The following PDE1A variants were observed in gnomAD, a reference collection of about 807,000 sequenced individuals.
The protein encoded by PDE1A is phosphodiesterase 1A.
In PDE1A, 35 loss-of-function variants were observed where a neutral mutation model predicts 61.7. The ratio of observed to expected loss-of-function variants is 0.57; its 90% CI spans 0.43 to 0.75. The LOEUF is 0.75. Among genes scored for constraint, PDE1A ranks in the 30% least tolerant of loss-of-function variants. The pLI is 0.00. For missense variants in PDE1A, 597 were observed against 630.6 expected (o/e 0.95, Z 0.57); for synonymous variants, 232 against 213.2 (o/e 1.09, Z -0.77).
rs140535321 is a variant in PDE1A at position 182,375,452 on chromosome 2, T to A, written c.53+51126A>T. On this transcript the variant is annotated intron_variant, in intron 1 of 13. Coordinates refer to ENST00000351439, the Ensembl canonical transcript of PDE1A. The stretch of plus-strand genomic sequence containing the variant: ...GTCAAATTTTAAAGCTCCAAAATAA[T>A]CTCCTTTGACTCCAGGTCTTACATC... 3.9e-3 allele frequency among the ~76,000 whole-genome samples: 597 copies of A among 152,296 alleles called. 2 individuals carry two copies. The highest frequency in any genetic ancestry group is 6.8e-3 in the Middle Eastern group (2 of 294).
At chr2:182,481,219 G>A (rs1330451441) in intron 2 of PDE1A, among the ~76,000 whole-genome samples, 1 of 151,916 alleles carries the variant, frequency 6.6e-6, no homozygotes, top group Non-Finnish European at 1.5e-5. Flanking sequence ...AAGGAAGAGT[G>A]TAATAACATA....
chr2:182,654,940 C>A, the PDE1A span, among the ~76,000 whole-genome samples: 6 of 152,242 alleles, frequency 3.9e-5, no homozygotes, highest in South Asian at 1.2e-3. Flanking sequence ...TGGGTCAAGG[C>A]CTCCTGGTTA....
At chr2:182,576,166 C>A in the PDE1A span, among the ~76,000 whole-genome samples, 2 of 152,068 alleles carry the variant, frequency 1.3e-5, no homozygotes, top group South Asian at 4.2e-4. Flanking sequence ...GTCTACAGAA[C>A]TCTTTTCATC....
the PDE1A span, among the ~76,000 whole-genome samples, chr2:182,642,355 C>G: frequency 1.3e-4 from 20 of 152,290 alleles, no homozygotes; most frequent in South Asian, 3.9e-3. Flanking sequence ...TCTCTTTCCT[C>G]CTTGACTTTG....
At chr2:182,407,438 G>A (rs13020356) in intron 1 of PDE1A, among the ~76,000 whole-genome samples, 3,450 of 151,932 alleles carry the variant, frequency 0.023, 57 homozygotes, top group Middle Eastern at 0.051. Flanking sequence ...CTGGAGTACA[G>A]TGGTGCCATC....
At chr2:182,671,621 CTT>C in the PDE1A span, among the ~76,000 whole-genome samples, 12 of 124,268 alleles carry the variant, frequency 9.7e-5, no homozygotes, top group Non-Finnish European at 1.1e-4. Context: ...CTTTCTTTTT[CTT>C]TTTTTTTTTT....
At chr2:182,523,346 G>A (rs1018592720), upstream of PDE1A, among the ~76,000 whole-genome samples, 8 of 152,104 alleles carry the variant, frequency 5.3e-5, no homozygotes, top group East Asian at 1.9e-4. Flanking sequence ...GATGGTTTGC[G>A]GCTTGTGCAT....
At chr2:182,532,453 G>C in the PDE1A span, among the ~76,000 whole-genome samples, 2 of 152,060 alleles carry the variant, frequency 1.3e-5, no homozygotes, top group African/African-American at 4.8e-5. Flanking sequence ...GTATGATTCC[G>C]ATTATATGAA....
At position 182,311,064 on chromosome 2, in the gene PDE1A, G is replaced by A. The variant is rs184079549; in HGVS notation, c.54-46650C>T. Among the ~76,000 whole-genome samples the A allele has an allele frequency of 1.6e-4, 24 of 152,356 alleles. No homozygotes were observed. In the East Asian group the frequency reaches 2.7e-3, roughly 17 times the overall value. On this transcript the variant is annotated intron_variant, in intron 1 of 13. Coordinates refer to ENST00000351439, the Ensembl canonical transcript of PDE1A. ...GTTTGAGATCCTGCCTCATCCGTGG[G>A]AAGAATGCCTCCTGAATATTGAAGT... is the stretch of plus-strand genomic sequence containing the variant.
intron 1 of PDE1A, among the ~76,000 whole-genome samples, chr2:182,280,045 C>T (rs1238074853): frequency 6.6e-6 from 1 of 151,902 alleles, no homozygotes; most frequent in Non-Finnish European, 1.5e-5. Context: ...ATACTTGTAA[C>T]ATTAATAATC....
chr2:182,201,610 C>G, intron 9 of PDE1A, 51 bp from the exon 10 acceptor site: 1 of 1,477,114 alleles, frequency 6.8e-7, no homozygotes, highest in Non-Finnish European at 9.3e-7. Flanking sequence ...GAAACAATTA[C>G]AGTCTTTTCT....
intron 7 of PDE1A, among the ~76,000 whole-genome samples, chr2:182,214,004 A>G (rs1015955890): frequency 2.9e-5 from 4 of 139,244 alleles, no homozygotes; most frequent in African/African-American, 5.4e-5. Context: ...AAAAATGTTA[A>G]GGGCAGCCAG....
At chr2:182,234,711 T>C (rs922731) in intron 3 of PDE1A, among the ~76,000 whole-genome samples, 165 of 152,310 alleles carry the variant, frequency 1.1e-3, no homozygotes, top group African/African-American at 3.7e-3. Flanking sequence ...ACAATCACCC[T>C]GCAAAATTAA....
chr2:182,562,242 T>G, the PDE1A span, among the ~76,000 whole-genome samples: 4 of 152,110 alleles, frequency 2.6e-5, no homozygotes, highest in African/African-American at 4.8e-5. Context: ...AATACCTAAT[T>G]TATTGAGAGT....
At chr2:182,627,356 A>G in the PDE1A span, among the ~76,000 whole-genome samples, 1 of 118,836 alleles carries the variant, frequency 8.4e-6, no homozygotes, top group East Asian at 2.2e-4. Context: ...TATAAAATAT[A>G]ATATATATAT....
rs539762338 is a variant in PDE1A, at chr2:182,248,958, A to G, written c.168-8666T>C. ...ATTTCATCCAAATACCATTTAACTA[A>G]GTATTTTAAAGTTATATATCAGGTG... is the stretch of plus-strand genomic sequence containing the variant. On this transcript the variant is annotated intron_variant, in intron 2 of 13. Transcript: ENST00000351439. 3.9e-5 allele frequency among the ~76,000 whole-genome samples: 6 copies of G among 152,344 alleles called. No homozygotes were observed. In the South Asian group the frequency reaches 1.2e-3, roughly 32 times the overall value.
intron 10 of PDE1A, among the ~76,000 whole-genome samples, chr2:182,191,886 G>T (rs566955084): frequency 6.7e-5 from 10 of 148,472 alleles, no homozygotes; most frequent in Non-Finnish European, 1.3e-4. Flanking sequence ...AGACAGTTTC[G>T]CTCTTGTTGC....
chr2:182,547,974 G>A, the PDE1A span, among the ~76,000 whole-genome samples: 1 of 152,162 alleles, frequency 6.6e-6, no homozygotes. Context: ...AGAGAGATGT[G>A]TAGATATGGG....
chr2:182,319,330 G>A (rs1696555773), intron 1 of PDE1A, among the ~76,000 whole-genome samples: 1 of 151,992 alleles, frequency 6.6e-6, no homozygotes. Flanking sequence ...AAATTTATAG[G>A]GAACAAAAGA....
Sources: gnomAD v4.1 joint callset for allele counts (sites outside exome capture counted in the v4.1 genomes callset) on GRCh38, gnomAD v4.1.1 for gene constraint, MANE v1.5 for transcripts, NCBI Gene and HGNC (gene_info 2026-07-23, HGNC 2026-07-21) for gene names.